Variants in PIKFYVE observed in about 807,000 individuals in gnomAD.
PIKFYVE encodes the protein phosphoinositide kinase, FYVE-type zinc finger containing.
PIKFYVE carries 122 observed loss-of-function variants against 257.9 expected under a neutral mutation model. The ratio of observed to expected loss-of-function variants is 0.47; its 90% CI spans 0.41 to 0.55. PIKFYVE has a LOEUF of 0.55. Among genes scored for constraint, PIKFYVE ranks in the 20% least tolerant of loss-of-function variants. The pLI is 0.00. For missense variants in PIKFYVE, 2,160 were observed against 2,536.6 expected (o/e 0.85, Z 3.19); for synonymous variants, 892 against 868.9 (o/e 1.03, Z -0.47).
At chr2:208,293,823 T>A (rs753233710) in intron 7 of PIKFYVE, among the ~76,000 whole-genome samples, 4 of 152,044 alleles carry the variant, frequency 2.6e-5, no homozygotes, top group Non-Finnish European at 5.9e-5. Flanking sequence ...GTCTTTAAGG[T>A]GGTCTTTTTC....
At chr2:208,326,902 T>C (rs1333060902) in intron 20 of PIKFYVE, among the ~76,000 whole-genome samples, 1 of 152,206 alleles carries the variant, frequency 6.6e-6, no homozygotes, top group East Asian at 1.9e-4. Context: ...ACTATGACAG[T>C]GATCTTTTTC....
At chr2:208,307,030 T>C (rs532556266) in intron 12 of PIKFYVE, among the ~76,000 whole-genome samples, 1 of 152,276 alleles carries the variant, frequency 6.6e-6, no homozygotes, top group South Asian at 2.1e-4. Context: ...TCACCTGCCT[T>C]AGCTTTCCTA....
At chr2:208,301,399 T>C (rs1165796710) in intron 9 of PIKFYVE, among the ~76,000 whole-genome samples, 45 of 152,212 alleles carry the variant, frequency 3.0e-4, no homozygotes, top group Non-Finnish European at 1.3e-4. Context: ...ATTCCCCAGC[T>C]ACTGTTCACT....
At position 208,325,620 on chromosome 2, in the gene PIKFYVE, G is replaced by A. The variant is rs1312952016; in HGVS notation, c.2809G>A (p.Glu937Lys). ...SSLLELRIVF[E>K]KGEQENKNLP... is the part of the protein sequence containing the mutation. Reference sequence around the variant, plus strand: ...TTTGCTGGAATTGAGGATTGTGTTTGAGAAGGGTGAGCAGGAAAATAAAAA... The same window carrying A: ...TTTGCTGGAATTGAGGATTGTGTTTAAGAAGGGTGAGCAGGAAAATAAAAA... The change falls in exon 20 of 42, where the codon GAG (glutamate) becomes AAG (lysine). Residue 937 changes from glutamate to lysine, a missense_variant. By Grantham distance (56) the Glu-to-Lys change is moderately conservative (BLOSUM62 1). This residue lies in a region of PIKFYVE where 522 missense variants were observed against 514.6 expected (regional missense o/e 1.01). Coordinates refer to ENST00000264380, the MANE Select transcript of PIKFYVE (RefSeq NM_015040.4). 2 of 1,614,036 alleles carry A rather than the reference G, an allele frequency of 1.2e-6. No individual in the cohort carries two copies. The highest frequency in any genetic ancestry group is 1.7e-6 in the Non-Finnish European group (2 of 1,180,044).
At chr2:208,299,664 C>T (rs1196902327) in intron 8 of PIKFYVE, among the ~76,000 whole-genome samples, 1 of 152,142 alleles carries the variant, frequency 6.6e-6, no homozygotes, top group Non-Finnish European at 1.5e-5. Flanking sequence ...ACTCTTAGAT[C>T]CCATATTGCT....
chr2:208,271,840 G>T, intron 2 of PIKFYVE, 149 bp downstream of exon 2: 2 of 765,490 alleles, frequency 2.6e-6, no homozygotes, highest in Non-Finnish European at 4.2e-6. Flanking sequence ...ATTAACAAGC[G>T]ATAGCTTTAA....
chr2:208,286,503 A>T (rs1691594699), intron 6 of PIKFYVE, among the ~76,000 whole-genome samples: 1 of 152,104 alleles, frequency 6.6e-6, no homozygotes, highest in Admixed American at 6.6e-5. Flanking sequence ...TGTTTGAATT[A>T]GAGTCTTAGT....
At chr2:208,305,277 T>A in intron 12 of PIKFYVE, 2 of 1,330,782 alleles carry the variant, frequency 1.5e-6, no homozygotes, top group African/African-American at 3.0e-5. Flanking sequence ...ATCTGACTGC[T>A]CTTCCCATAA....
chr2:208,320,325 C>A lies in PIKFYVE; in HGVS notation c.2156C>A (p.Thr719Asn), dbSNP rs1310291296. ...ATTGAGTATCTCTACAGAGAAGAAACTAAGTTTACTTGCATTGATCCTATT... is the reference window on the plus strand; with the variant it reads ...ATTGAGTATCTCTACAGAGAAGAAAATAAGTTTACTTGCATTGATCCTATT... The part of the protein sequence containing the change: ...CSIEYLYREE[T>N]KFTCIDPIVL... The change falls in exon 17 of 42, where the codon ACT becomes AAT. Residue 719 changes from threonine (T) to asparagine (N), a missense_variant. Transcript: ENST00000264380. The A allele has an allele frequency of 6.2e-7, 1 of 1,612,282 alleles. No homozygotes were observed. Among genetic ancestry groups the A allele is most frequent in the Non-Finnish European group, 8.5e-7 (1 of 1,178,756 alleles).
At chr2:208,352,928 C>A in intron 39 of PIKFYVE, 146 bp downstream of exon 39, 1 of 1,015,476 alleles carries the variant, frequency 9.8e-7, no homozygotes, top group Non-Finnish European at 1.5e-6. Context: ...TTTTGACTTG[C>A]TCAGCCTTGG....
chr2:208,295,708 T>C (rs1421399785), intron 7 of PIKFYVE, among the ~76,000 whole-genome samples: 1 of 152,242 alleles, frequency 6.6e-6, no homozygotes, highest in Admixed American at 6.5e-5. Context: ...ATTGGTGTTG[T>C]TGAGTTGATC....
At chr2:208,266,167 T>C (rs566099986), upstream of PIKFYVE, 10 of 152,308 alleles carry the variant, frequency 6.6e-5, no homozygotes, top group Admixed American at 1.3e-4. Flanking sequence ...GATCCGAGCG[T>C]CGGCCGGGCT....
At position 208,300,921 on chromosome 2, in the gene PIKFYVE, G is replaced by A. The variant is rs745848784; in HGVS notation, c.1051-16G>A. On this transcript the variant is annotated splice_polypyrimidine_tract_variant and intron_variant, in intron 8 of 41. Coordinates refer to ENST00000264380, the MANE Select transcript of PIKFYVE (RefSeq NM_015040.4). ...TTTTTCTCAAGGGTAACTACTTGCT[G>A]TTAATGTGATTGCAGGACAGTGTGC... 4 of 1,613,886 alleles carry A rather than the reference G, an allele frequency of 2.5e-6. No individual in the cohort carries two copies. Among genetic ancestry groups the A allele is most frequent in the South Asian group, 1.1e-5 (1 of 91,074 alleles).
intron 36 of PIKFYVE, 60 bp downstream of exon 36, chr2:208,350,143 A>G: frequency 6.3e-7 from 1 of 1,597,398 alleles, no homozygotes; most frequent in South Asian, 1.1e-5. Context: ...AGCCATCTCT[A>G]TTATTTGAGA....
rs928470743 is a variant in PIKFYVE, at chr2:208,313,613, C to T, written c.1697-681C>T. Among the ~76,000 whole-genome samples, 17 of 145,064 alleles carry T rather than the reference C, an allele frequency of 1.2e-4. 1 individual carries two copies. The highest frequency in any genetic ancestry group is 3.1e-4 in the African/African-American group (12 of 38,798). On this transcript the variant is annotated intron_variant, in intron 13 of 41. Transcript: ENST00000264380. ...TTTTTTTTTTTTTGAGATGGAGTCT[C>T]GCTCTGTCACTCAGGTTGGAGTGCA... is the stretch of plus-strand genomic sequence containing the variant.
intron 12 of PIKFYVE, among the ~76,000 whole-genome samples, chr2:208,307,973 TTGTA>T (rs1694524798): frequency 6.6e-6 from 1 of 152,226 alleles, no homozygotes. Context: ...CAAATTATAA[TTGTA>T]TGTATTTATG....
At position 208,355,530 on chromosome 2, in the gene PIKFYVE, G is replaced by T; in HGVS notation, c.*225G>T. ...CTGTCTGTAGGTTGGGAAGTGGCAT[G>T]AAAATTTTCTTAAGCTAAAATACAG... On this transcript the variant is annotated 3_prime_UTR_variant, in exon 42 of 42. Transcript: ENST00000264380. The T allele has an allele frequency of 4.3e-6, 2 of 467,818 alleles. No homozygotes were observed. Among genetic ancestry groups the T allele is most frequent in the South Asian group, 2.6e-5 (1 of 39,054 alleles). 29.0% of individuals were successfully genotyped at this position (467,818 alleles called of 1,614,324 possible). A position where few individuals can be genotyped will look rare whatever the true frequency, so the allele number is the denominator to read the frequency against.
rs1443930480 is a variant in PIKFYVE, at chr2:208,333,339, A to G, written c.3988A>G (p.Asn1330Asp). Reference protein sequence around the residue: ...KQVTPVVALSNESWSMSFAKY... With the variant: ...KQVTPVVALSDESWSMSFAKY... ...GGTAACACCAGTTGTTGCTCTTTCC[A>G]ATGAGTCCTGGTCTATGTCATTTGC... The change falls in exon 24 of 42, where the codon AAT becomes GAT. Residue 1330 changes from asparagine to aspartate, a missense_variant. By Grantham distance (23) the Asn-to-Asp change is conservative. Transcript: ENST00000264380. 2 of 1,614,032 alleles carry G rather than the reference A, an allele frequency of 1.2e-6. No individual in the cohort carries two copies. Among genetic ancestry groups the G allele is most frequent in the Admixed American group, 1.7e-5 (1 of 60,002 alleles).
intron 7 of PIKFYVE, among the ~76,000 whole-genome samples, chr2:208,290,615 T>A (rs1692193471): frequency 6.6e-6 from 1 of 152,198 alleles, no homozygotes; most frequent in South Asian, 2.1e-4. Context: ...AATTTTCAAT[T>A]CATATGGATA....
Sources: allele counts gnomAD v4.1 joint callset (sites outside exome capture counted in the v4.1 genomes callset), GRCh38; gene constraint gnomAD v4.1.1; regional missense constraint gnomAD v4.1.1; transcripts MANE v1.5; gene names NCBI Gene and HGNC (gene_info 2026-07-23, HGNC 2026-07-21).